The following KCNJ6 variants were observed in gnomAD, a reference collection of about 807,000 sequenced individuals.
KCNJ6 encodes the protein potassium inwardly rectifying channel subfamily J member 6.
Under a neutral mutation model 34.2 loss-of-function variants are expected in KCNJ6, and 9 were observed. The ratio of observed to expected loss-of-function variants is 0.26; its 90% CI spans 0.16 to 0.46. The LOEUF (loss-of-function observed/expected upper bound fraction) is 0.46. Among genes scored for constraint, KCNJ6 ranks in the 20% least tolerant of loss-of-function variants. KCNJ6 has a pLI of 1.00. For synonymous variants in KCNJ6, 196 were observed against 207.1 expected, an observed-to-expected ratio of 0.95 and a Z score of 0.46; for missense variants, 236 against 531.3, an observed-to-expected ratio of 0.44 and a Z score of 5.46.
At chr21:37,644,384 A>C (rs1333799753) in intron 3 of KCNJ6, among the ~76,000 whole-genome samples, 1 of 152,222 alleles carries the variant, frequency 6.6e-6, no homozygotes, top group African/African-American at 2.4e-5. Flanking sequence ...AATAAAAGTT[A>C]AAAAAAGGAG....
At position 37,683,995 on chromosome 21, in the gene KCNJ6, C is replaced by G. The variant is rs116478790; in HGVS notation, c.946+30216G>C. ...TAAACAGAGGAAAGATGTTCTGTGT[C>G]ACACCTACTCCAACAACAACTGAAC... On this transcript the variant is annotated intron_variant, in intron 3 of 3. Transcript: ENST00000609713. 1.4e-3 allele frequency among the ~76,000 whole-genome samples: 206 copies of G among 152,328 alleles called. 1 individual carries two copies. Among genetic ancestry groups the G allele is most frequent in the African/African-American group, 4.6e-3 (190 of 41,578 alleles).
chr21:37,628,627 A>C (rs1245461071), intron 3 of KCNJ6, among the ~76,000 whole-genome samples: 1 of 152,246 alleles, frequency 6.6e-6, no homozygotes, highest in Non-Finnish European at 1.5e-5. Context: ...TTATGTGAAG[A>C]CGTAATGACT....
intron 3 of KCNJ6, among the ~76,000 whole-genome samples, chr21:37,647,607 A>G (rs1413404011): frequency 1.3e-5 from 2 of 152,076 alleles, no homozygotes; most frequent in Non-Finnish European, 2.9e-5. Flanking sequence ...AATCCCCCCC[A>G]GAGTTAGGCC....
intron 1 of KCNJ6, among the ~76,000 whole-genome samples, chr21:37,898,568 CAA>C (rs1464758322): frequency 7.3e-6 from 1 of 136,962 alleles, no homozygotes; most frequent in African/African-American, 2.7e-5. Flanking sequence ...GCTGACAGAG[CAA>C]AGACTCCATC....
chr21:37,890,573 T>G (rs2055757412), intron 1 of KCNJ6, among the ~76,000 whole-genome samples: 1 of 152,198 alleles, frequency 6.6e-6, no homozygotes, highest in African/African-American at 2.4e-5. Flanking sequence ...TGACCTGCCT[T>G]CAGCTGCATG....
At chr21:37,782,875 T>C (rs75597287) in intron 2 of KCNJ6, among the ~76,000 whole-genome samples, 3,017 of 152,322 alleles carry the variant, frequency 0.02, 97 homozygotes, top group African/African-American at 0.067. Context: ...CCTTTCAGTC[T>C]GAAATGTGAC....
At position 37,635,795 on chromosome 21, in the gene KCNJ6, G is replaced by A. The variant is rs148013200; in HGVS notation, c.947-10311C>T. Reference sequence around the variant, plus strand: ...GCCTCCCAAAGTGTTGGGATTACAGGCATGCGCCACCACACCCAGCTAAAT... The same window carrying A: ...GCCTCCCAAAGTGTTGGGATTACAGACATGCGCCACCACACCCAGCTAAAT... On this transcript the variant is annotated intron_variant, in intron 3 of 3. Transcript: ENST00000609713. 5.3e-3 allele frequency among the ~76,000 whole-genome samples: 805 copies of A among 152,330 alleles called. 7 individuals are homozygous for A. Among genetic ancestry groups the A allele is most frequent in the African/African-American group, 0.017 (713 of 41,570 alleles).
intron 2 of KCNJ6, among the ~76,000 whole-genome samples, chr21:37,734,063 G>C (rs1456514528): frequency 1.3e-5 from 2 of 152,210 alleles, no homozygotes; most frequent in African/African-American, 2.4e-5. Flanking sequence ...TGCATTTTAA[G>C]TGTTTTTCTC....
intron 2 of KCNJ6, among the ~76,000 whole-genome samples, chr21:37,737,280 T>C (rs55694858): frequency 2.3e-3 from 347 of 152,276 alleles, no homozygotes; most frequent in Non-Finnish European, 3.6e-3. Context: ...TGCTTATCAG[T>C]CATTTATTCC....
At chr21:37,837,198 AT>A (rs952666950) in intron 2 of KCNJ6, among the ~76,000 whole-genome samples, 29 of 149,332 alleles carry the variant, frequency 1.9e-4, no homozygotes, top group African/African-American at 6.4e-4. Context: ...TCCCTTCTCC[AT>A]TTTTTTTCTT....
At chr21:37,764,973 C>T (rs147006616) in intron 2 of KCNJ6, among the ~76,000 whole-genome samples, 1 of 152,278 alleles carries the variant, frequency 6.6e-6, no homozygotes, top group African/African-American at 2.4e-5. Context: ...GTGCTGGAAT[C>T]AGCTGTACTG....
chr21:37,728,781 C>T (rs1215988500), intron 2 of KCNJ6, among the ~76,000 whole-genome samples: 1 of 152,118 alleles, frequency 6.6e-6, no homozygotes, highest in Non-Finnish European at 1.5e-5. Context: ...GACCTAGACA[C>T]ATGTGAGAGA....
intron 1 of KCNJ6, among the ~76,000 whole-genome samples, chr21:37,863,340 A>G (rs542283087): frequency 1.3e-5 from 2 of 152,258 alleles, no homozygotes; most frequent in East Asian, 3.9e-4. Flanking sequence ...AGCGAATTTG[A>G]CTCTTTGCCC....
chr21:37,667,932 C>G (rs949342508), intron 3 of KCNJ6, among the ~76,000 whole-genome samples: 3 of 151,778 alleles, frequency 2.0e-5, no homozygotes, highest in Non-Finnish European at 4.4e-5. Flanking sequence ...GTGTCCTCCT[C>G]CAGGAGGCAT....
chr21:37,650,521 C>T (rs1322817105), intron 3 of KCNJ6, among the ~76,000 whole-genome samples: 1 of 152,192 alleles, frequency 6.6e-6, no homozygotes, highest in Non-Finnish European at 1.5e-5. Context: ...TCCTCACTGT[C>T]CTGCGTGTCA....
chr21:37,745,215 C>T (rs2054962127), intron 2 of KCNJ6, among the ~76,000 whole-genome samples: 1 of 151,384 alleles, frequency 6.6e-6, no homozygotes, highest in South Asian at 2.1e-4. Context: ...CTGCCTCAGC[C>T]TTCTGAGTAG....
At chr21:37,713,548 C>A (rs888164370) in intron 3 of KCNJ6, among the ~76,000 whole-genome samples, 1 of 152,182 alleles carries the variant, frequency 6.6e-6, no homozygotes, top group Non-Finnish European at 1.5e-5. Context: ...ATTTCCTGAA[C>A]AGATCATCTT....
chr21:37,816,959 T>C (rs2055349731), intron 2 of KCNJ6, among the ~76,000 whole-genome samples: 1 of 152,196 alleles, frequency 6.6e-6, no homozygotes, highest in Non-Finnish European at 1.5e-5. Flanking sequence ...TTCTGGGAGT[T>C]TCTCTTGCCA....
At chr21:37,859,466 T>G (rs56411426) in intron 1 of KCNJ6, among the ~76,000 whole-genome samples, 2 of 11,724 alleles carry the variant, frequency 1.7e-4, no homozygotes, top group African/African-American at 7.3e-4. Flanking sequence ...TCCACAATTT[T>G]AACTATGGGC....
Sources: allele counts gnomAD v4.1 joint callset (sites outside exome capture counted in the v4.1 genomes callset), GRCh38; gene constraint gnomAD v4.1.1; transcripts MANE v1.5; gene names NCBI Gene and HGNC (gene_info 2026-07-23, HGNC 2026-07-21).